Variants in ZNF362 observed in about 807,000 individuals in gnomAD.
The protein encoded by ZNF362 is zinc finger protein 362.
ZNF362 carries 11 observed loss-of-function variants against 42.9 expected under a neutral mutation model. The ratio of observed to expected loss-of-function variants is 0.26; its 90% confidence interval spans 0.16 to 0.42. The LOEUF is 0.42. Ranked by LOEUF, ZNF362 falls within the 20% of genes least tolerant of loss-of-function variation. ZNF362 has a pLI of 1.00. For synonymous variants in ZNF362, 255 were observed against 257.3 expected, an observed-to-expected ratio of 0.99 and a Z score of 0.09; for missense variants, 362 against 576.2, an observed-to-expected ratio of 0.63 and a Z score of 3.81.
chr1:33,135,376 A>C, the ZNF362 span, among the ~76,000 whole-genome samples: 1 of 152,176 alleles, frequency 6.6e-6, no homozygotes, highest in Non-Finnish European at 1.5e-5. Context: ...CTTCCCCACA[A>C]GCAAGCTCTG....
chr1:33,228,823 G>A, the ZNF362 span, among the ~76,000 whole-genome samples: 103,996 of 151,930 alleles, frequency 0.68, 36,086 homozygotes, highest in Non-Finnish European at 0.74. Context: ...TGAAGGTCAA[G>A]CCTATCATTC....
chr1:33,161,919 C>T, the ZNF362 span, among the ~76,000 whole-genome samples: 1 of 152,200 alleles, frequency 6.6e-6, no homozygotes, highest in Non-Finnish European at 1.5e-5. This position sits in a 1 kb window ranked among gnomAD's most constrained non-coding sequence, Gnocchi z 4.3. Flanking sequence ...CTTCCATCCT[C>T]ACCCTGAACA....
intron 6 of ZNF362, chr1:33,282,098 T>G: frequency 2.3e-6 from 1 of 441,474 alleles, no homozygotes; most frequent in Non-Finnish European, 4.2e-6. Flanking sequence ...TCAGTCTAGC[T>G]TCCTCCAGGA....
intron 8 of ZNF362, among the ~76,000 whole-genome samples, chr1:33,295,672 G>A (rs529911398): frequency 6.3e-4 from 96 of 152,270 alleles, no homozygotes; most frequent in Non-Finnish European, 1.2e-3. Flanking sequence ...ACAAGGTGGC[G>A]CAGTGACATG....
chr1:33,298,407 C>T (rs1646139897), intron 8 of ZNF362, among the ~76,000 whole-genome samples: 1 of 152,184 alleles, frequency 6.6e-6, no homozygotes, highest in South Asian at 2.1e-4. Flanking sequence ...ACCCTTACTC[C>T]ATGCTAAGGG....
intron 1 of ZNF362, among the ~76,000 whole-genome samples, chr1:33,259,700 T>C (rs1645817003): frequency 1.3e-5 from 2 of 152,190 alleles, no homozygotes; most frequent in Non-Finnish European, 2.9e-5. Context: ...CCTCCAGGGC[T>C]CTAAAGCCAA....
At chr1:33,150,043 A>G in the ZNF362 span, among the ~76,000 whole-genome samples, 3 of 152,214 alleles carry the variant, frequency 2.0e-5, no homozygotes, top group Non-Finnish European at 1.5e-5. Flanking sequence ...TAAAAATTTC[A>G]TGAACCCTTG....
At chr1:33,226,904 T>A in the ZNF362 span, among the ~76,000 whole-genome samples, 4 of 152,100 alleles carry the variant, frequency 2.6e-5, no homozygotes, top group African/African-American at 9.7e-5. Context: ...CCCATTATGC[T>A]AAGTGAAATA....
chr1:33,219,171 T>TG, the ZNF362 span, among the ~76,000 whole-genome samples: 1 of 152,178 alleles, frequency 6.6e-6, no homozygotes, highest in African/African-American at 2.4e-5. Flanking sequence ...ATCTCCTGGC[T>TG]GGGGGCTGGG....
At chr1:33,220,454 G>C in the ZNF362 span, among the ~76,000 whole-genome samples, 1 of 152,106 alleles carries the variant, frequency 6.6e-6, no homozygotes, top group African/African-American at 2.4e-5. Context: ...ACTTGTCCTA[G>C]GCCACACTGA....
intron 2 of ZNF362, among the ~76,000 whole-genome samples, chr1:33,272,333 A>T (rs1645910459): frequency 1.3e-5 from 2 of 152,022 alleles, no homozygotes; most frequent in Non-Finnish European, 2.9e-5. Flanking sequence ...GGGAGGGCAG[A>T]GTTCTTTCCA....
the ZNF362 span, among the ~76,000 whole-genome samples, chr1:33,130,254 CACACCCTGGT>C: frequency 6.6e-6 from 1 of 152,208 alleles, no homozygotes; most frequent in Non-Finnish European, 1.5e-5. Flanking sequence ...TCCCAGTATT[CACACCCTGGT>C]GTGATTTCCT....
the ZNF362 span, among the ~76,000 whole-genome samples, chr1:33,134,057 G>A: frequency 2.6e-5 from 4 of 152,320 alleles, no homozygotes; most frequent in East Asian, 1.9e-4. Context: ...GCAGAGGCAG[G>A]ATTTGAACCC....
chr1:33,255,833 G>A (rs749993341), upstream of ZNF362, among the ~76,000 whole-genome samples: 2 of 151,990 alleles, frequency 1.3e-5, no homozygotes, highest in African/African-American at 2.4e-5. Flanking sequence ...GTCCATCCTG[G>A]GGGTCCCCTC....
At chr1:33,223,303 C>G in the ZNF362 span, among the ~76,000 whole-genome samples, 15 of 152,146 alleles carry the variant, frequency 9.9e-5, no homozygotes, top group Admixed American at 2.6e-4. Flanking sequence ...TGCACAAGCT[C>G]TCTTCTCTTG....
chr1:33,270,820 C>T (rs564662565), intron 2 of ZNF362, among the ~76,000 whole-genome samples: 14 of 152,258 alleles, frequency 9.2e-5, no homozygotes, highest in Non-Finnish European at 1.3e-4. Flanking sequence ...GCTGGGTCCC[C>T]ATCAGTCCAC....
At chr1:33,145,405 C>T in the ZNF362 span, 2 of 161,362 alleles carry the variant, frequency 1.2e-5, no homozygotes, top group Non-Finnish European at 2.7e-5. Flanking sequence ...TGGCTACTGA[C>T]ATCTGTAACT....
At chr1:33,296,659 A>G (rs1646126652) in intron 8 of ZNF362, among the ~76,000 whole-genome samples, 1 of 152,134 alleles carries the variant, frequency 6.6e-6, no homozygotes, top group African/African-American at 2.4e-5. Context: ...AGAAGCTTCC[A>G]TGCAGGCGAA....
At chr1:33,189,709 G>GTGTATGTATATATATATATATATA in the ZNF362 span, among the ~76,000 whole-genome samples, 1 of 12,452 alleles carries the variant, frequency 8.0e-5, no homozygotes, top group Non-Finnish European at 1.3e-4. Flanking sequence ...ACATATATAC[G>GTGTATGTATATATATATATATATA]TATATATATA....
Sources: allele counts gnomAD v4.1 joint callset (sites outside exome capture counted in the v4.1 genomes callset), GRCh38; gene constraint gnomAD v4.1.1; non-coding constraint Gnocchi (gnomAD v3.1); transcripts MANE v1.5; gene names NCBI Gene and HGNC (gene_info 2026-07-23, HGNC 2026-07-21).